The following SPEF2 variants were observed in gnomAD, a reference collection of about 807,000 sequenced individuals.
SPEF2 encodes the protein sperm flagellar and cilia associated 2.
In SPEF2, 187 loss-of-function variants were observed where a neutral mutation model predicts 224.6. The ratio of observed to expected loss-of-function variants is 0.83; its 90% CI spans 0.74 to 0.94. SPEF2 has a LOEUF of 0.94. SPEF2 is among the 40% of genes least tolerant of loss of function. The probability of loss-of-function intolerance (pLI) is 0.00; values close to 1 mark genes in which losing one functional copy is unlikely to be tolerated. For missense variants in SPEF2, 2,170 were observed against 2,135.6 expected (o/e 1.02, Z -0.32); for synonymous variants, 715 against 707.3 (o/e 1.01, Z -0.17).
At chr5:35,643,406 A>G in intron 3 of SPEF2, 3 of 448,680 alleles carry the variant, frequency 6.7e-6, no homozygotes, top group South Asian at 4.7e-5. Context: ...GGAAGAGGGT[A>G]ACATAGATTA....
intron 27 of SPEF2, among the ~76,000 whole-genome samples, chr5:35,772,740 A>G (rs931831221): frequency 6.6e-6 from 1 of 152,192 alleles, no homozygotes; most frequent in East Asian, 1.9e-4. Flanking sequence ...TGTTGACTTT[A>G]ATGGAATCAC....
intron 20 of SPEF2, among the ~76,000 whole-genome samples, chr5:35,714,541 C>A (rs1037380398): frequency 7.9e-5 from 12 of 151,436 alleles, no homozygotes; most frequent in Non-Finnish European, 1.6e-4. Context: ...ATTGAAAATT[C>A]TTTTGACCTG....
chr5:35,620,543 A>G (rs1464227279), intron 1 of SPEF2, among the ~76,000 whole-genome samples: 1 of 152,222 alleles, frequency 6.6e-6, no homozygotes, highest in Non-Finnish European at 1.5e-5. Flanking sequence ...AATAAAAATA[A>G]AAGCACCAAT....
At chr5:35,706,974 C>T (rs948959083) in intron 18 of SPEF2, among the ~76,000 whole-genome samples, 11 of 152,236 alleles carry the variant, frequency 7.2e-5, no homozygotes, top group African/African-American at 2.6e-4. Flanking sequence ...TTTGTTTTTG[C>T]CAACTATTAG....
chr5:35,752,111 C>T (rs563218766), intron 23 of SPEF2, among the ~76,000 whole-genome samples: 63 of 152,142 alleles, frequency 4.1e-4, no homozygotes, highest in Admixed American at 1.0e-3. Flanking sequence ...AATGTTGCTG[C>T]GGATCTGATA....
chr5:35,722,263 T>G (rs563003464), intron 20 of SPEF2, among the ~76,000 whole-genome samples: 1 of 152,056 alleles, frequency 6.6e-6, no homozygotes, highest in East Asian at 2.0e-4. Flanking sequence ...ATCCAGCTGG[T>G]CAGGACCCTG....
intron 20 of SPEF2, among the ~76,000 whole-genome samples, chr5:35,718,193 T>A (rs1436053005): frequency 6.6e-6 from 1 of 152,180 alleles, no homozygotes; most frequent in Non-Finnish European, 1.5e-5. Flanking sequence ...TGCTGGCATG[T>A]CAGGCTTCTG....
intron 16 of SPEF2, among the ~76,000 whole-genome samples, chr5:35,704,351 T>G (rs1428165671): frequency 4.6e-5 from 7 of 152,156 alleles, no homozygotes. Flanking sequence ...CTTTAATGTT[T>G]ACTTATTTTC....
intron 18 of SPEF2, among the ~76,000 whole-genome samples, chr5:35,706,700 A>T (rs2149582325): frequency 6.6e-6 from 1 of 152,246 alleles, no homozygotes; most frequent in South Asian, 2.1e-4. Context: ...TGTAACAGTT[A>T]ACTAACATTA....
chr5:35,625,663 G>C (rs562874655), intron 1 of SPEF2, among the ~76,000 whole-genome samples: 2 of 152,288 alleles, frequency 1.3e-5, no homozygotes, highest in Non-Finnish European at 2.9e-5. Flanking sequence ...TGGCTCTTTA[G>C]AAAACTAAGG....
At chr5:35,661,715 T>C (rs1157132480) in intron 8 of SPEF2, among the ~76,000 whole-genome samples, 1 of 152,170 alleles carries the variant, frequency 6.6e-6, no homozygotes, top group African/African-American at 2.4e-5. Context: ...CTGAGGATAA[T>C]AGCCTCCAGC....
intron 10 of SPEF2, among the ~76,000 whole-genome samples, chr5:35,687,835 AT>A (rs1424985928): frequency 6.6e-6 from 1 of 152,168 alleles, no homozygotes; most frequent in Non-Finnish European, 1.5e-5. Context: ...TAATAGTCAA[AT>A]TTTGAAGCTT....
At chr5:35,679,534 T>G (rs904896869) in intron 10 of SPEF2, among the ~76,000 whole-genome samples, 10 of 152,202 alleles carry the variant, frequency 6.6e-5, no homozygotes, top group African/African-American at 2.4e-4. Flanking sequence ...CTAGAACATC[T>G]GCAGCTTGTT....
At chr5:35,686,528 G>T (rs570453704) in intron 10 of SPEF2, among the ~76,000 whole-genome samples, 1 of 152,092 alleles carries the variant, frequency 6.6e-6, no homozygotes, top group Admixed American at 6.5e-5. Flanking sequence ...TATCTGATTT[G>T]TATGTCTTAA....
At chr5:35,668,548 G>A (rs140394141) in intron 9 of SPEF2, among the ~76,000 whole-genome samples, 1 of 152,112 alleles carries the variant, frequency 6.6e-6, no homozygotes, top group Non-Finnish European at 1.5e-5. Context: ...AGGGCAACAT[G>A]ATGGGTTCTG....
At chr5:35,705,346 G>A (rs1045288934) in intron 17 of SPEF2, among the ~76,000 whole-genome samples, 45 of 152,010 alleles carry the variant, frequency 3.0e-4, no homozygotes. Context: ...AGAGAGTTCA[G>A]AGTTATTCTA....
intron 30 of SPEF2, chr5:35,790,331 T>A: frequency 1.8e-6 from 1 of 559,216 alleles, no homozygotes; most frequent in Non-Finnish European, 3.1e-6. Flanking sequence ...CAAGATCTAA[T>A]TCAGATTGCT....
intron 8 of SPEF2, among the ~76,000 whole-genome samples, chr5:35,663,051 T>G (rs1580172601): frequency 6.6e-6 from 1 of 152,308 alleles, no homozygotes; most frequent in Admixed American, 6.5e-5. Flanking sequence ...CCATGGCTAC[T>G]TTCTATTAAG....
rs527672126 is a variant in SPEF2, at chr5:35,703,081, C to T, written c.2399-1473C>T. ...AAAGAAAAAAAAAGAGCCATGGTCA[C>T]AGGATATTTGTTACTTTTTTATTTT... On this transcript the variant is annotated intron_variant, in intron 16 of 36. Coordinates refer to ENST00000356031, the MANE Select transcript of SPEF2 (RefSeq NM_024867.4). Among the ~76,000 whole-genome samples, 14 of 147,262 alleles carry T rather than the reference C, an allele frequency of 9.5e-5. No individual in the cohort carries two copies. In the South Asian group the frequency reaches 3.0e-3, roughly 32 times the overall value.
Sources: allele counts gnomAD v4.1 joint callset (sites outside exome capture counted in the v4.1 genomes callset), GRCh38; gene constraint gnomAD v4.1.1; transcripts MANE v1.5; gene names NCBI Gene and HGNC (gene_info 2026-07-23, HGNC 2026-07-21).